The following CCDC91 variants were observed in gnomAD, a reference collection of about 807,000 sequenced individuals.
CCDC91 encodes the protein coiled-coil domain-containing protein 91.
A neutral mutation model predicts 63.2 loss-of-function variants in CCDC91; 48 were observed. That is an observed-to-expected ratio of 0.76 (90% CI 0.60 to 0.97). The LOEUF is 0.97. Ranked by LOEUF, CCDC91 falls within the 50% of genes least tolerant of loss-of-function variation. The probability of loss-of-function intolerance (pLI) is 0.00; values close to 1 mark genes in which losing one functional copy is unlikely to be tolerated. For synonymous variants in CCDC91, 167 were observed against 165.8 expected (o/e 1.01, Z -0.06); for missense variants, 500 against 494.6 (o/e 1.01, Z -0.10).
At chr12:28,535,824 C>T (rs1344561577) in intron 12 of CCDC91, among the ~76,000 whole-genome samples, 1 of 151,966 alleles carries the variant, frequency 6.6e-6, no homozygotes, top group East Asian at 1.9e-4. Flanking sequence ...GTCAGGAGAT[C>T]AAGACCATCC....
chr12:28,193,287 T>G (rs1436338899), intron 1 of CCDC91, among the ~76,000 whole-genome samples: 5 of 152,198 alleles, frequency 3.3e-5, no homozygotes, highest in East Asian at 1.9e-4. Flanking sequence ...TTGGGCCGTG[T>G]GCAAGTGCAT....
At chr12:28,495,372 A>C (rs147455148) in intron 12 of CCDC91, among the ~76,000 whole-genome samples, 11 of 151,782 alleles carry the variant, frequency 7.2e-5, no homozygotes, top group Non-Finnish European at 1.0e-4. Context: ...TTGGATGCCT[A>C]TCAGTTTTGT....
intron 8 of CCDC91, among the ~76,000 whole-genome samples, chr12:28,403,820 C>T (rs748622604): frequency 2.4e-4 from 37 of 152,048 alleles, no homozygotes; most frequent in Non-Finnish European, 4.3e-4. Flanking sequence ...TACAGTTGTC[C>T]GTAGTATTCT....
chr12:28,322,903 G>T (rs1940651888), intron 6 of CCDC91, among the ~76,000 whole-genome samples: 1 of 150,940 alleles, frequency 6.6e-6, no homozygotes. Context: ...TATAACTTTT[G>T]ATATTTTAAT....
At chr12:28,277,567 T>G (rs1340007371) in intron 3 of CCDC91, among the ~76,000 whole-genome samples, 2 of 152,040 alleles carry the variant, frequency 1.3e-5, no homozygotes, top group African/African-American at 4.8e-5. Context: ...CTGTCAAATT[T>G]GGGATGGTAA....
chr12:28,395,572 C>A lies in CCDC91; in HGVS notation c.762+4161C>A, dbSNP rs1592541319. Among the ~76,000 whole-genome samples the A allele has an allele frequency of 3.9e-5, 6 of 152,228 alleles. 1 individual carries two copies. Among genetic ancestry groups the A allele is most frequent in the Admixed American group, 3.9e-4 (6 of 15,286 alleles). ...TTGGTTTGTCATAAAGGATACAACT[C>A]AGGAATGGACAGATGGAAGAAATAC... On this transcript the variant is annotated intron_variant, in intron 8 of 12. Transcript: ENST00000536442.
intron 12 of CCDC91, among the ~76,000 whole-genome samples, chr12:28,538,607 T>C (rs1942380204): frequency 6.6e-6 from 1 of 152,208 alleles, no homozygotes; most frequent in African/African-American, 2.4e-5. Context: ...TTTATAATCG[T>C]CTGGGTATAT....
chr12:28,298,404 A>G (rs1377116905), intron 3 of CCDC91, among the ~76,000 whole-genome samples: 1 of 134,982 alleles, frequency 7.4e-6, no homozygotes, highest in African/African-American at 2.8e-5. Context: ...GTTGGCCCCT[A>G]TTAGTCTTTA....
intron 11 of CCDC91, among the ~76,000 whole-genome samples, chr12:28,477,863 A>G (rs1200271273): frequency 2.0e-5 from 3 of 152,192 alleles, no homozygotes; most frequent in African/African-American, 4.8e-5. Context: ...CCCATTCACA[A>G]TTGCTTCAAA....
chr12:28,538,962 T>A (rs1942413394), intron 12 of CCDC91, among the ~76,000 whole-genome samples: 1 of 152,174 alleles, frequency 6.6e-6, no homozygotes, highest in African/African-American at 2.4e-5. Context: ...TTGTTTGTTT[T>A]TTTCTTGTAA....
intron 7 of CCDC91, among the ~76,000 whole-genome samples, chr12:28,373,363 T>G (rs192790258): frequency 3.3e-5 from 5 of 150,938 alleles, no homozygotes; most frequent in African/African-American, 1.2e-4. Context: ...GTGTAGATTG[T>G]TTTTCATCAA....
chr12:28,548,993 A>C, intron 12 of CCDC91, 70 bp from the exon 13 acceptor site: 1 of 1,037,096 alleles, frequency 9.6e-7, no homozygotes, highest in Non-Finnish European at 1.5e-6. Context: ...CTTCAGAGAC[A>C]TAATATTCTT....
chr12:28,206,869 A>G (rs1942895484), intron 1 of CCDC91, among the ~76,000 whole-genome samples: 1 of 152,220 alleles, frequency 6.6e-6, no homozygotes, highest in Non-Finnish European at 1.5e-5. Context: ...AACCGTGGAA[A>G]AAGGACCTAA....
intron 1 of CCDC91, among the ~76,000 whole-genome samples, chr12:28,227,212 T>C (rs1944325941): frequency 1.3e-5 from 2 of 152,158 alleles, no homozygotes; most frequent in South Asian, 2.1e-4. Flanking sequence ...TTTTCTCTTA[T>C]TCTGTATTGT....
In CCDC91 at chr12:28,445,704, C is replaced by T. The variant is rs143469376; in HGVS notation, c.763-4457C>T. 9.4e-3 allele frequency among the ~76,000 whole-genome samples: 1,437 copies of T among 152,304 alleles called. 59 individuals are homozygous for T. Among genetic ancestry groups the T allele is most frequent in the Admixed American group, 0.074 (1,136 of 15,296 alleles). ...CTTAAACAACAGGAATTTATATTTACAGTTCTGGAGGCTAGAAAGTCCAAG... is the reference window on the plus strand; with the variant it reads ...CTTAAACAACAGGAATTTATATTTATAGTTCTGGAGGCTAGAAAGTCCAAG... On this transcript the variant is annotated intron_variant, in intron 8 of 12. Coordinates refer to ENST00000536442, the MANE Select transcript of CCDC91 (RefSeq NM_018318.5).
intron 3 of CCDC91, among the ~76,000 whole-genome samples, chr12:28,270,117 T>C (rs552921256): frequency 6.6e-6 from 1 of 152,044 alleles, no homozygotes; most frequent in South Asian, 2.1e-4. Flanking sequence ...GAAAATCTTC[T>C]AGATTTGTTT....
intron 6 of CCDC91, among the ~76,000 whole-genome samples, chr12:28,318,022 G>A (rs543814534): frequency 6.6e-6 from 1 of 151,134 alleles, no homozygotes; most frequent in East Asian, 2.0e-4. Flanking sequence ...GTAAAATAAG[G>A]GCCATTTCAC....
chr12:28,337,722 C>T (rs1048351069), intron 6 of CCDC91, among the ~76,000 whole-genome samples: 2 of 151,950 alleles, frequency 1.3e-5, no homozygotes, highest in African/African-American at 4.8e-5. Context: ...AAAAATACTA[C>T]CTTTCAATTT....
chr12:28,359,050 C>T (rs753877136), intron 6 of CCDC91, among the ~76,000 whole-genome samples: 1 of 152,148 alleles, frequency 6.6e-6, no homozygotes, highest in Admixed American at 6.5e-5. Context: ...CTTCCACCAC[C>T]ACGCCCAGCT....
Sources: gnomAD v4.1 joint callset for allele counts (sites outside exome capture counted in the v4.1 genomes callset) on GRCh38, gnomAD v4.1.1 for gene constraint, MANE v1.5 for transcripts, NCBI Gene and HGNC (gene_info 2026-07-23, HGNC 2026-07-21) for gene names.